The following LEF1 variants were observed in gnomAD, a reference collection of about 807,000 sequenced individuals.
LEF1 encodes the protein lymphoid enhancer-binding factor 1.
LEF1 carries 14 observed loss-of-function variants against 51.2 expected under a neutral mutation model. The ratio of observed to expected loss-of-function variants is 0.27; its 90% confidence interval spans 0.18 to 0.43. The LOEUF is 0.43. Among genes scored for constraint, LEF1 ranks in the 20% least tolerant of loss-of-function variants. The probability of loss-of-function intolerance (pLI) is 1.00; values close to 1 mark genes in which losing one functional copy is unlikely to be tolerated. For missense variants in LEF1, 386 were observed against 512.0 expected, an observed-to-expected ratio of 0.75 and a Z score of 2.37; for synonymous variants, 185 against 183.2, an observed-to-expected ratio of 1.01 and a Z score of -0.08.
rs773021504 is a variant in LEF1, at chr4:108,064,339, A to G, written c.1162T>C (p.Ser388Pro). The change falls in exon 10 of 12, where the codon TCA (serine) becomes CCA (proline). Residue 388 changes from serine (S) to proline (P), a missense_variant. By Grantham distance (74) the Ser-to-Pro change is moderately conservative. This residue lies in a region of LEF1 where 51 missense variants were observed against 121.3 expected (regional missense o/e 0.42). Coordinates refer to ENST00000265165, the MANE Select transcript of LEF1 (RefSeq NM_016269.5). ...TGGAAAGTCTCATGGTGCCTACCTG[A>G]TGCAGATTCCTGTAGTTTCTCTCTC... ...RKREKLQESA[S>P]GTGPRMTAAY... 2 of 1,611,186 alleles carry G rather than the reference A, an allele frequency of 1.2e-6. No homozygotes were observed. Among genetic ancestry groups the G allele is most frequent in the African/African-American group, 2.7e-5 (2 of 74,864 alleles).
intron 3 of LEF1, among the ~76,000 whole-genome samples, chr4:108,103,411 C>T (rs1332474645): frequency 2.6e-5 from 4 of 152,190 alleles, no homozygotes; most frequent in African/African-American, 9.7e-5. Context: ...AACAAAGAAA[C>T]ATCCATTTTA....
intron 3 of LEF1, among the ~76,000 whole-genome samples, chr4:108,120,189 C>A (rs777958534): frequency 4.6e-5 from 7 of 151,840 alleles, no homozygotes; most frequent in Non-Finnish European, 8.8e-5. Flanking sequence ...GTGCCACCAC[C>A]CCCAGATAAT....
At chr4:108,132,816 G>A (rs999541389) in intron 3 of LEF1, among the ~76,000 whole-genome samples, 4 of 150,710 alleles carry the variant, frequency 2.7e-5, no homozygotes, top group African/African-American at 9.8e-5. Flanking sequence ...CTATAGGCAT[G>A]TACCACAACA....
chr4:108,124,664 G>A (rs184513060), intron 3 of LEF1, among the ~76,000 whole-genome samples: 163 of 152,184 alleles, frequency 1.1e-3, no homozygotes, highest in African/African-American at 3.3e-3. Context: ...CACCGCGCCC[G>A]GAACATGAAC....
chr4:108,083,148 C>T (rs1195042398), intron 5 of LEF1: 3 of 566,370 alleles, frequency 5.3e-6, no homozygotes, highest in Admixed American at 6.3e-5. Context: ...TCATTTTCTA[C>T]CCATATTAGC....
At chr4:108,141,483 G>GT (rs1743648980) in intron 3 of LEF1, among the ~76,000 whole-genome samples, 2 of 152,142 alleles carry the variant, frequency 1.3e-5, no homozygotes, top group Admixed American at 6.5e-5. Flanking sequence ...AGTCACTCAG[G>GT]TAACAAACCC....
intron 3 of LEF1, among the ~76,000 whole-genome samples, chr4:108,133,087 C>T (rs1392755292): frequency 6.6e-6 from 1 of 152,080 alleles, no homozygotes; most frequent in Non-Finnish European, 1.5e-5. Flanking sequence ...GCTTCTCCTG[C>T]CTCAGCCTCC....
rs564436689 is a variant in LEF1, at chr4:108,129,190, G to C, written c.414+34378C>G. Reference sequence around the variant, plus strand: ...CCTTTTAACACCTCTGCAGGACTGGGGTCACTTCAAAGTCCTTCTGAGTAT... The same window carrying C: ...CCTTTTAACACCTCTGCAGGACTGGCGTCACTTCAAAGTCCTTCTGAGTAT... On this transcript the variant is annotated intron_variant, in intron 3 of 11. Transcript: ENST00000265165. 7.2e-5 allele frequency among the ~76,000 whole-genome samples: 11 copies of C among 152,182 alleles called. No individual in the cohort carries two copies. In the South Asian group the frequency reaches 2.3e-3, roughly 32 times the overall value.
At position 108,165,280 on chromosome 4, in the gene LEF1, G is replaced by A. The variant is rs1342056469; in HGVS notation, c.214-117C>T. 22 of 874,828 alleles carry A rather than the reference G, an allele frequency of 2.5e-5. No homozygotes were observed. The South Asian group carries it at 2.9e-4, about 12-fold the overall frequency. The allele number at this position is 874,828 out of a possible 1,614,324, so 54.2% of individuals were successfully genotyped here. A position where few individuals can be genotyped will look rare whatever the true frequency, so the allele number is the denominator to read the frequency against. ...AAGGAAGAGGTTTAGGGGCAACTCT[G>A]TTTTATACTCTGAGAGACATACGCT... On this transcript the variant is annotated intron_variant, in intron 1 of 11. Coordinates refer to ENST00000265165, the MANE Select transcript of LEF1 (RefSeq NM_016269.5).
At chr4:108,150,836 A>G (rs762902779) in intron 3 of LEF1, among the ~76,000 whole-genome samples, 5 of 152,218 alleles carry the variant, frequency 3.3e-5, no homozygotes. Flanking sequence ...ATGCATGTAA[A>G]GTACATCATT....
At position 108,123,743 on chromosome 4, in the gene LEF1, A is replaced by T. The variant is rs1026865864; in HGVS notation, c.415-34486T>A. Among the ~76,000 whole-genome samples, 11 of 152,248 alleles carry T rather than the reference A, an allele frequency of 7.2e-5. No homozygotes were observed. The East Asian group carries it at 1.9e-3, about 27-fold the overall frequency. ...CCATATTTTTAGTTTACTTCAGCAG[A>T]TGTTGCTTAGGGTATCACATCTACC... On this transcript the variant is annotated intron_variant, in intron 3 of 11. Transcript: ENST00000265165.
chr4:108,161,805 C>T (rs529983381), intron 3 of LEF1, among the ~76,000 whole-genome samples: 25 of 152,018 alleles, frequency 1.6e-4, no homozygotes, highest in Non-Finnish European at 2.9e-5. Flanking sequence ...AGCTGAAAAA[C>T]GTAAGGCTGT....
intron 11 of LEF1, among the ~76,000 whole-genome samples, chr4:108,059,888 T>A (rs939529017): frequency 1.3e-5 from 2 of 152,190 alleles, no homozygotes; most frequent in African/African-American, 4.8e-5. Flanking sequence ...TCTTGCCATG[T>A]TGCTCAGACT....
In LEF1 at chr4:108,113,972, C is replaced by A. The variant is rs866827340; in HGVS notation, c.415-24715G>T. 2.1e-3 allele frequency among the ~76,000 whole-genome samples: 324 copies of A among 152,104 alleles called. 3 individuals carry two copies. The highest frequency in any genetic ancestry group is 0.01 in the Middle Eastern group (3 of 294). On this transcript the variant is annotated intron_variant, in intron 3 of 11. Coordinates refer to ENST00000265165, the MANE Select transcript of LEF1 (RefSeq NM_016269.5). ...ATGAAGACAAAGAATAAAAAATAAA[C>A]ACATAAGTTTAAAGCAATCTGGAGT...
intron 8 of LEF1, among the ~76,000 whole-genome samples, chr4:108,071,349 T>C (rs1293975281): frequency 1.5e-4 from 23 of 152,234 alleles, no homozygotes; most frequent in Non-Finnish European, 5.9e-5. Flanking sequence ...CACACTCATA[T>C]AGACGCTGTC....
chr4:108,081,023 T>C (rs1433776701), intron 6 of LEF1, among the ~76,000 whole-genome samples: 1 of 152,066 alleles, frequency 6.6e-6, no homozygotes, highest in Non-Finnish European at 1.5e-5. Flanking sequence ...GGCATGACCA[T>C]GTCCACACAG....
chr4:108,050,267 T>C (rs1223775884), intron 11 of LEF1, among the ~76,000 whole-genome samples: 2 of 152,208 alleles, frequency 1.3e-5, no homozygotes, highest in African/African-American at 4.8e-5. Flanking sequence ...ATCACTATAT[T>C]ATCACTTGTA....
At chr4:108,051,313 C>T (rs907513347) in intron 11 of LEF1, among the ~76,000 whole-genome samples, 6 of 152,010 alleles carry the variant, frequency 3.9e-5, no homozygotes, top group Non-Finnish European at 8.8e-5. Flanking sequence ...GGCAGTTTGT[C>T]CCTGGTGGCT....
At chr4:108,166,398 A>C in intron 1 of LEF1, 2 of 1,445,300 alleles carry the variant, frequency 1.4e-6, no homozygotes, top group Non-Finnish European at 1.8e-6. Flanking sequence ...ATTTAAGGAA[A>C]AAAAGGTATA....
Sources: allele counts gnomAD v4.1 joint callset (sites outside exome capture counted in the v4.1 genomes callset), GRCh38; gene constraint gnomAD v4.1.1; regional missense constraint gnomAD v4.1.1; transcripts MANE v1.5; gene names NCBI Gene and HGNC (gene_info 2026-07-23, HGNC 2026-07-21).